The following BBX variants were observed in gnomAD, a reference collection of about 807,000 sequenced individuals.
BBX encodes BBX high mobility group box domain containing.
BBX carries 30 observed loss-of-function variants against 100.2 expected under a neutral mutation model. The ratio of observed to expected loss-of-function variants is 0.30; its 90% confidence interval spans 0.22 to 0.41. The LOEUF (loss-of-function observed/expected upper bound fraction) is 0.41, where lower values mean the gene tolerates loss of function less well. Ranked by LOEUF, BBX falls within the 10% of genes least tolerant of loss-of-function variation. BBX has a pLI of 1.00. For missense variants in BBX, 1,023 were observed against 1,129.8 expected (o/e 0.91, Z 1.35); for synonymous variants, 376 against 388.1 (o/e 0.97, Z 0.37).
intron 2 of BBX, chr3:107,599,265 C>T (rs746880232): frequency 1.3e-5 from 2 of 152,452 alleles, no homozygotes; most frequent in Non-Finnish European, 2.9e-5. Context: ...GCTTCGCTCT[C>T]TCCCCCAGCT....
At chr3:107,708,331 A>C (rs568726149) in intron 3 of BBX, among the ~76,000 whole-genome samples, 1 of 152,314 alleles carries the variant, frequency 6.6e-6, no homozygotes, top group Admixed American at 6.5e-5. Context: ...TGCCACAAGA[A>C]CATGTTTTTC....
At chr3:107,708,354 C>G (rs1039359583) in intron 3 of BBX, among the ~76,000 whole-genome samples, 3 of 152,068 alleles carry the variant, frequency 2.0e-5, no homozygotes, top group African/African-American at 7.2e-5. Context: ...TTCCCCCTTT[C>G]TTTTTCTTGA....
intron 3 of BBX, among the ~76,000 whole-genome samples, chr3:107,687,783 G>T (rs9854637): frequency 6.6e-6 from 1 of 152,044 alleles, no homozygotes; most frequent in Non-Finnish European, 1.5e-5. Context: ...GTCCGGGCAC[G>T]GTGGCTCACA....
chr3:107,804,347 G>A (rs568859457), intron 17 of BBX, among the ~76,000 whole-genome samples: 2 of 152,274 alleles, frequency 1.3e-5, no homozygotes, highest in East Asian at 3.9e-4. Context: ...TCATCCCAAT[G>A]AAAACATTGC....
At chr3:107,525,231 C>T (rs940025415) in intron 1 of BBX, among the ~76,000 whole-genome samples, 6 of 150,824 alleles carry the variant, frequency 4.0e-5, no homozygotes, top group Middle Eastern at 3.2e-3. Flanking sequence ...CCCGGAATGG[C>T]AGCGCCGGGC....
At chr3:107,748,101 A>G in intron 9 of BBX, 62 bp downstream of exon 9, 1 of 1,400,278 alleles carries the variant, frequency 7.1e-7, no homozygotes, top group Non-Finnish European at 1.0e-6. Flanking sequence ...GAATACTGGA[A>G]TGGAGTTTTA....
At chr3:107,792,942 A>C (rs2069209922) in intron 15 of BBX, among the ~76,000 whole-genome samples, 1 of 152,174 alleles carries the variant, frequency 6.6e-6, no homozygotes, top group African/African-American at 2.4e-5. Context: ...TGGTAGAAAG[A>C]GCACTTACCT....
chr3:107,771,006 A>G (rs1204054287), intron 10 of BBX, among the ~76,000 whole-genome samples: 1 of 152,216 alleles, frequency 6.6e-6, no homozygotes, highest in Non-Finnish European at 1.5e-5. Flanking sequence ...AAAACAGATC[A>G]GTTTCCTACT....
intron 3 of BBX, among the ~76,000 whole-genome samples, chr3:107,675,622 C>A (rs986663857): frequency 2.0e-5 from 3 of 151,818 alleles, no homozygotes; most frequent in African/African-American, 7.3e-5. Flanking sequence ...CCTTTTAGAT[C>A]AAAAATGAAA....
At chr3:107,648,344 A>G (rs890182780) in intron 3 of BBX, among the ~76,000 whole-genome samples, 4 of 152,268 alleles carry the variant, frequency 2.6e-5, no homozygotes, top group Middle Eastern at 3.4e-3. Flanking sequence ...TTATTCTTTT[A>G]TAGGTAATTT....
chr3:107,728,927 G>A lies in BBX; in HGVS notation c.568G>A (p.Glu190Lys), dbSNP rs2063139415. 6.2e-7 allele frequency: 1 copy of A among 1,613,478 alleles called. No homozygotes were observed. The highest frequency in any genetic ancestry group is 8.5e-7 in the Non-Finnish European group (1 of 1,179,756). Residue 190 changes from glutamate (E) to lysine (K), a missense_variant, in exon 6 of 18, where the codon GAA (glutamate) becomes AAA (lysine). Physicochemically the swap from Glu to Lys is moderately conservative, Grantham distance 56. Around this residue, in one of 9 missense-constraint regions of BBX, gnomAD observed 11 missense variants for 31.6 expected, o/e 0.35. Transcript: ENST00000325805. ...DLPSPKKAKT[E>K]EMPQLNFGMA... ...GCCAAGCCCCAAGAAAGCAAAGACT[G>A]AAGAAATGCCTCAGCTTAACTTTGG... is the stretch of plus-strand genomic sequence containing the variant.
chr3:107,775,914 G>A (rs1206541864), intron 12 of BBX, among the ~76,000 whole-genome samples: 1 of 148,320 alleles, frequency 6.7e-6, no homozygotes, highest in Non-Finnish European at 1.5e-5. Flanking sequence ...AAAATCCAAA[G>A]TACTTCAAAT....
At chr3:107,697,792 C>T (rs555644744) in intron 3 of BBX, among the ~76,000 whole-genome samples, 1 of 152,026 alleles carries the variant, frequency 6.6e-6, no homozygotes, top group African/African-American at 2.4e-5. Context: ...GCCCCTCCCC[C>T]AGCCTCGCTG....
intron 10 of BBX, among the ~76,000 whole-genome samples, chr3:107,769,156 C>T (rs1434920907): frequency 4.1e-5 from 6 of 148,078 alleles, no homozygotes; most frequent in South Asian, 2.2e-4. Context: ...TAATAGAGCA[C>T]GACTCTATCA....
chr3:107,695,713 C>T (rs373542758), intron 3 of BBX, among the ~76,000 whole-genome samples: 32 of 148,768 alleles, frequency 2.2e-4, no homozygotes, highest in South Asian at 1.9e-3. Context: ...CTATTAGGTC[C>T]GCTTGGTGCA....
chr3:107,706,670 G>T (rs1414645468), intron 3 of BBX, among the ~76,000 whole-genome samples: 1 of 152,186 alleles, frequency 6.6e-6, no homozygotes, highest in Non-Finnish European at 1.5e-5. Context: ...TTCATTTACT[G>T]CATAGAGGTT....
At position 107,615,977 on chromosome 3, in the gene BBX, C is replaced by T. The variant is rs150538215; in HGVS notation, c.-83-29859C>T. Among the ~76,000 whole-genome samples, 3 of 127,852 alleles carry T rather than the reference C, an allele frequency of 2.3e-5. No individual in the cohort carries two copies. The East Asian group carries it at 7.6e-4, about 32-fold the overall frequency. 83.9% of individuals were successfully genotyped at this position (127,852 alleles called of 152,430 possible). A position where few individuals can be genotyped will look rare whatever the true frequency, so the allele number is the denominator to read the frequency against. Reference sequence around the variant, plus strand: ...GCAGTCCCCACCCATGGAATGAGAACCTAGGAGAAGCACACGCTACTCACC... The same window carrying T: ...GCAGTCCCCACCCATGGAATGAGAATCTAGGAGAAGCACACGCTACTCACC... On this transcript the variant is annotated intron_variant, in intron 2 of 17. Coordinates refer to ENST00000325805, the MANE Select transcript of BBX (RefSeq NM_001142568.3).
chr3:107,562,401 A>G (rs765044471), intron 2 of BBX, among the ~76,000 whole-genome samples: 1 of 152,158 alleles, frequency 6.6e-6, no homozygotes, highest in Non-Finnish European at 1.5e-5. Flanking sequence ...AGGCTGAGTC[A>G]TTGCTTTAGA....
chr3:107,681,665 A>G (rs2059580397), intron 3 of BBX, among the ~76,000 whole-genome samples: 1 of 152,150 alleles, frequency 6.6e-6, no homozygotes, highest in South Asian at 2.1e-4. Context: ...AAGCCTAACC[A>G]GAGAAGTAAT....
Sources: gnomAD v4.1 joint callset for allele counts (sites outside exome capture counted in the v4.1 genomes callset) on GRCh38, gnomAD v4.1.1 for gene constraint, gnomAD v4.1.1 regional missense constraint, MANE v1.5 for transcripts, NCBI Gene and HGNC (gene_info 2026-07-23, HGNC 2026-07-21) for gene names.